The following ABLIM2 variants were observed in gnomAD, a reference collection of about 807,000 sequenced individuals.
ABLIM2 encodes actin binding LIM protein family member 2, also known as actin-binding LIM protein 2.
In ABLIM2, 53 loss-of-function variants were observed where a neutral mutation model predicts 97.7. The ratio of observed to expected loss-of-function variants is 0.54; its 90% CI spans 0.44 to 0.68. The LOEUF (loss-of-function observed/expected upper bound fraction) is 0.68, where lower values mean the gene tolerates loss of function less well. Among genes scored for constraint, ABLIM2 ranks in the 30% least tolerant of loss-of-function variants. ABLIM2 has a pLI of 0.00. For synonymous variants in ABLIM2, 361 were observed against 345.8 expected (o/e 1.04, Z -0.49); for missense variants, 835 against 867.2 (o/e 0.96, Z 0.47).
chr4:8,055,579 T>C (rs555407688), intron 7 of ABLIM2, among the ~76,000 whole-genome samples: 2 of 152,346 alleles, frequency 1.3e-5, no homozygotes, highest in African/African-American at 4.8e-5. Flanking sequence ...CTGACTTGTG[T>C]ATCCCACAAA....
chr4:8,135,109 A>T (rs1196509058), intron 1 of ABLIM2, among the ~76,000 whole-genome samples: 1 of 152,232 alleles, frequency 6.6e-6, no homozygotes, highest in Non-Finnish European at 1.5e-5. Context: ...ACAGGTCTGG[A>T]CTTTTCAAGT....
chr4:8,055,839 G>A (rs773568036), intron 7 of ABLIM2, among the ~76,000 whole-genome samples: 2 of 152,090 alleles, frequency 1.3e-5, no homozygotes, highest in Non-Finnish European at 2.9e-5. Flanking sequence ...AGGGCTGGGC[G>A]CGGTGGCTCA....
At chr4:7,979,632 G>T (rs1374805355) in intron 20 of ABLIM2, among the ~76,000 whole-genome samples, 2 of 152,162 alleles carry the variant, frequency 1.3e-5, no homozygotes, top group Non-Finnish European at 2.9e-5. Flanking sequence ...AATGACCAAA[G>T]GGCACCAGAG....
Position 8,139,647 on chromosome 4 carries a change from T to C in ABLIM2, c.10+19033A>G, listed in dbSNP as rs115719927. On this transcript the variant is annotated intron_variant, in intron 1 of 20. Coordinates refer to ENST00000447017, the MANE Select transcript of ABLIM2 (RefSeq NM_001130083.2). ...GAGAAACAGGAATGCTTTTACTCTG[T>C]TGGTGGGAATATACATTAGTTCCAC... 4.1e-3 allele frequency among the ~76,000 whole-genome samples: 618 copies of C among 152,362 alleles called. 4 individuals carry two copies. The highest frequency in any genetic ancestry group is 0.014 in the African/African-American group (595 of 41,584).
chr4:8,097,408 C>T lies in ABLIM2; in HGVS notation c.155-126G>A, dbSNP rs904809200. The T allele has an allele frequency of 3.3e-6, 4 of 1,201,168 alleles. No individual in the cohort carries two copies. The Admixed American group carries it at 7.9e-5, about 24-fold the overall frequency. 74.4% of individuals were successfully genotyped at this position (1,201,168 alleles called of 1,614,324 possible). ...ACACAGGCACTGAGGCCTCGGCACA[C>T]ACTTGGGGTGGCTTGCTCAACTCTC... On this transcript the variant is annotated intron_variant, in intron 2 of 20. Transcript: ENST00000447017.
In ABLIM2 at chr4:8,008,001, T is replaced by C. The variant is rs1016417871; in HGVS notation, c.1618+58A>G. The C allele has an allele frequency of 1.1e-5, 18 of 1,599,520 alleles. No individual in the cohort carries two copies. The East Asian group carries it at 1.3e-4, about 12-fold the overall frequency. ...GGGGATAGCTCTGAGTTCTGGGGCC[T>C]CTTTGCCGCGAGGCATTTTGTGCAC... On this transcript the variant is annotated intron_variant, in intron 16 of 20. Coordinates refer to ENST00000447017, the MANE Select transcript of ABLIM2 (RefSeq NM_001130083.2).
At chr4:8,084,034 CA>C (rs1821633453) in intron 4 of ABLIM2, among the ~76,000 whole-genome samples, 1 of 151,408 alleles carries the variant, frequency 6.6e-6, no homozygotes, top group Admixed American at 6.6e-5. Flanking sequence ...AACTGGGGGT[CA>C]GGGGAGTAGG....
At chr4:7,997,182 C>T (rs1753891603) in intron 16 of ABLIM2, among the ~76,000 whole-genome samples, 1 of 152,176 alleles carries the variant, frequency 6.6e-6, no homozygotes, top group African/African-American at 2.4e-5. Context: ...AGCGATTCTC[C>T]TGCCTCAGCC....
In ABLIM2 at chr4:8,019,764, C is replaced by T; in HGVS notation, c.1370-93G>A. On this transcript the variant is annotated intron_variant, in intron 13 of 20. Coordinates refer to ENST00000447017, the MANE Select transcript of ABLIM2 (RefSeq NM_001130083.2). This position sits in a 1 kb window ranked among gnomAD's most constrained non-coding sequence, Gnocchi z 4.3. The stretch of plus-strand genomic sequence containing the variant: ...TCTACAGCTTTTTGTAAGCAACAAG[C>T]ACTCACCCAGATTTAGAATCATCAG... 8.2e-7 allele frequency: 1 copy of T among 1,219,910 alleles called. No homozygotes were observed. Among genetic ancestry groups the T allele is most frequent in the South Asian group, 1.3e-5 (1 of 78,906 alleles). 75.6% of individuals were successfully genotyped at this position (1,219,910 alleles called of 1,614,324 possible). A position where few individuals can be genotyped will look rare whatever the true frequency, so the allele number is the denominator to read the frequency against.
intron 16 of ABLIM2, chr4:8,007,136 T>C (rs1335723018): frequency 6.1e-6 from 6 of 985,306 alleles, no homozygotes; most frequent in Non-Finnish European, 7.2e-6. Flanking sequence ...AGTAGGACGG[T>C]TTACAGTTTG....
In ABLIM2 at chr4:8,001,928, T is replaced by G. The variant is rs1226437151; in HGVS notation, c.1618+6131A>C. Among the ~76,000 whole-genome samples the G allele has an allele frequency of 3.9e-5, 6 of 152,180 alleles. No individual in the cohort carries two copies. On this transcript the variant is annotated intron_variant, in intron 16 of 20. Transcript: ENST00000447017. The surrounding 1 kb of genome is among the most constrained non-coding windows in gnomAD (Gnocchi z 4.2). ...CTTGTCAGCACACACATGTGCGTGCTCTCTCTCTCTTTTTCTTGCTCTCTC... is the reference window on the plus strand; with the variant it reads ...CTTGTCAGCACACACATGTGCGTGCGCTCTCTCTCTTTTTCTTGCTCTCTC...
intron 4 of ABLIM2, among the ~76,000 whole-genome samples, chr4:8,081,562 A>C (rs1274296270): frequency 6.6e-6 from 1 of 152,046 alleles, no homozygotes; most frequent in Admixed American, 6.6e-5. Flanking sequence ...AGCTGGGGAG[A>C]GCCTGGTGCA....
In ABLIM2 at chr4:8,123,467, C is replaced by T. The variant is rs1453849794; in HGVS notation, c.11-16830G>A. On this transcript the variant is annotated intron_variant, in intron 1 of 20. Transcript: ENST00000447017. The surrounding 1 kb of genome is among the most constrained non-coding windows in gnomAD (Gnocchi z 6.2). ...CCGTCTCCCCCTCAAATTCCTGACC[C>T]TTCTCATGTTCTCCTGATCTGCTGA... is the stretch of plus-strand genomic sequence containing the variant. 1.3e-5 allele frequency among the ~76,000 whole-genome samples: 2 copies of T among 152,210 alleles called. No individual in the cohort carries two copies. The highest frequency in any genetic ancestry group is 4.1e-4 in the South Asian group (2 of 4,836).
chr4:8,064,982 G>C (rs1806075738), intron 6 of ABLIM2, among the ~76,000 whole-genome samples: 1 of 152,166 alleles, frequency 6.6e-6, no homozygotes, highest in Admixed American at 6.5e-5. Flanking sequence ...AGGTGCAGTG[G>C]CTCACACCTG....
At chr4:7,980,941 A>ATTTTTTTTTTTTTTTTGTTTTTTT (rs1737718008) in intron 20 of ABLIM2, among the ~76,000 whole-genome samples, 1 of 82,988 alleles carries the variant, frequency 1.2e-5, no homozygotes, top group Non-Finnish European at 2.1e-5. Flanking sequence ...ACAACCCCTT[A>ATTTTTTTTTTTTTTTTGTTTTTTT]TTTTTTTTTT....
At position 8,003,656 on chromosome 4, in the gene ABLIM2, C is replaced by G. The variant is rs1758926337; in HGVS notation, c.1618+4403G>C. Among the ~76,000 whole-genome samples, 1 of 150,968 alleles carries G rather than the reference C, an allele frequency of 6.6e-6. No homozygotes were observed. Among genetic ancestry groups the G allele is most frequent in the Non-Finnish European group, 1.5e-5 (1 of 67,884 alleles). Reference sequence around the variant, plus strand: ...TCTCGGCTTACTGCAACCTCTGCCTCCTGGGATCAAGTGATTCTCCTGCCT... The same window carrying G: ...TCTCGGCTTACTGCAACCTCTGCCTGCTGGGATCAAGTGATTCTCCTGCCT... On this transcript the variant is annotated intron_variant, in intron 16 of 20. Transcript: ENST00000447017. This position sits in a 1 kb window ranked among gnomAD's most constrained non-coding sequence, Gnocchi z 4.2.
chr4:8,098,812 T>C (rs1401945901), intron 2 of ABLIM2, among the ~76,000 whole-genome samples: 1 of 152,224 alleles, frequency 6.6e-6, no homozygotes, highest in African/African-American at 2.4e-5. Context: ...ATGTGAGACC[T>C]GAGTCCTGCC....
intron 1 of ABLIM2, among the ~76,000 whole-genome samples, chr4:8,129,012 C>T (rs981303037): frequency 6.6e-6 from 1 of 152,180 alleles, no homozygotes; most frequent in African/African-American, 2.4e-5. Context: ...CGAGACCACA[C>T]ATCCTACCTG....
intron 1 of ABLIM2, among the ~76,000 whole-genome samples, chr4:8,121,457 G>A (rs920296088): frequency 1.3e-5 from 2 of 152,216 alleles, no homozygotes; most frequent in African/African-American, 2.4e-5. Flanking sequence ...GTTCCAGAGC[G>A]AGGAGCATCT....
Sources: gnomAD v4.1 joint callset for allele counts (sites outside exome capture counted in the v4.1 genomes callset) on GRCh38, gnomAD v4.1.1 for gene constraint, Gnocchi (gnomAD v3.1) non-coding constraint, MANE v1.5 for transcripts, NCBI Gene and HGNC (gene_info 2026-07-23, HGNC 2026-07-21) for gene names.